The following TLE3 variants were observed in gnomAD, a reference collection of about 807,000 sequenced individuals.
TLE3 encodes TLE family member 3, transcriptional corepressor, also known as transducin-like enhancer protein 3.
Under a neutral mutation model 93.0 loss-of-function variants are expected in TLE3, and 14 were observed. That is an observed-to-expected ratio of 0.15 (90% CI 0.10 to 0.24). The LOEUF is 0.24. TLE3 is among the 10% of genes least tolerant of loss of function. TLE3 has a pLI of 1.00. For missense variants in TLE3, 693 were observed against 1,046.6 expected, an observed-to-expected ratio of 0.66 and a Z score of 4.66; for synonymous variants, 451 against 425.0, an observed-to-expected ratio of 1.06 and a Z score of -0.75.
intron 2 of TLE3, 132 bp from the exon 3 acceptor site, chr15:70,095,773 G>A: frequency 1.8e-6 from 2 of 1,089,986 alleles, no homozygotes; most frequent in Non-Finnish European, 2.6e-6. Context: ...TTATCCCACA[G>A]CCTGGGGACG....
In TLE3 at chr15:70,058,484, G is replaced by A; in HGVS notation, c.918+179C>T. 7.8e-7 allele frequency: 1 copy of A among 1,282,606 alleles called. No homozygotes were observed. Among genetic ancestry groups the A allele is most frequent in the Non-Finnish European group, 1.1e-6 (1 of 945,292 alleles). The allele number at this position is 1,282,606 out of a possible 1,614,324, so 79.5% of individuals were successfully genotyped here. ...TGATCACTCCCATTTTACAGACGTA[G>A]CAACCGAGGCTCAGAAACGTTAACT... On this transcript the variant is annotated intron_variant, in intron 11 of 19. Coordinates refer to ENST00000451782, the MANE Select transcript of TLE3 (RefSeq NM_001105192.3). This position sits in a 1 kb window ranked among gnomAD's most constrained non-coding sequence, Gnocchi z 4.1.
chr15:70,057,497 C>A lies in TLE3; in HGVS notation c.1213G>T (p.Ala405Ser). Residue 405 changes from alanine (A) to serine (S), a missense_variant, in exon 13 of 20, where the codon GCT becomes TCT. Physicochemically the swap from Ala to Ser is moderately conservative, Grantham distance 99. This residue lies in a region of TLE3 where 405 missense variants were observed against 468.9 expected (regional missense o/e 0.86). Coordinates refer to ENST00000451782, the MANE Select transcript of TLE3 (RefSeq NM_001105192.3). ...QMSAAAAAAA[A>S]AYGRSPMVSF... ...ACCATTGGCGATCGGCCATAGGCAG[C>A]GGCTGCAGCAGCGGCGGCGGCGCTC... The A allele has an allele frequency of 1.2e-6, 2 of 1,608,496 alleles. No homozygotes were observed. Among genetic ancestry groups the A allele is most frequent in the Non-Finnish European group, 1.7e-6 (2 of 1,177,720 alleles).
chr15:70,052,261 T>G, intron 18 of TLE3, 113 bp downstream of exon 18: 4 of 1,388,750 alleles, frequency 2.9e-6, no homozygotes, highest in Non-Finnish European at 3.9e-6. Context: ...GGAGGCCTGG[T>G]TCCAGGGCCT....
At chr15:70,075,745 G>A (rs938289482) in intron 5 of TLE3, among the ~76,000 whole-genome samples, 6 of 152,242 alleles carry the variant, frequency 3.9e-5, no homozygotes, top group Non-Finnish European at 8.8e-5. Flanking sequence ...AGGGCACTCT[G>A]TACCAGGAAC....
At position 70,097,699 on chromosome 15, in the gene TLE3, G is replaced by A. The variant is rs2058626061; in HGVS notation, c.-901C>T. On this transcript the variant is annotated 5_prime_UTR_variant, in exon 1 of 20. Coordinates refer to ENST00000451782, the MANE Select transcript of TLE3 (RefSeq NM_001105192.3). ...GAGGGGAGACGCAGCCCGAGACCGG[G>A]GAGCTCTACGGCTTCCTTCCTTCCC... The A allele has an allele frequency of 5.0e-6, 2 of 397,262 alleles. No individual in the cohort carries two copies. The allele number at this position is 397,262 out of a possible 1,614,324, so 24.6% of individuals were successfully genotyped here. A position where few individuals can be genotyped will look rare whatever the true frequency, so the allele number is the denominator to read the frequency against.
At chr15:70,057,418 C>A (rs1286033937) in intron 13 of TLE3, 41 bp downstream of exon 13, 1 of 1,545,308 alleles carries the variant, frequency 6.5e-7, no homozygotes, top group Admixed American at 2.0e-5. Context: ...CTCCCCACAC[C>A]ACGCCCAGTC....
At chr15:70,060,424 A>T (rs2056394269) in intron 9 of TLE3, 106 bp downstream of exon 9, 2 of 1,469,710 alleles carry the variant, frequency 1.4e-6, no homozygotes, top group Non-Finnish European at 1.8e-6. Flanking sequence ...TGCTTCTCTG[A>T]CTCACTGCCA....
chr15:70,073,615 G>C (rs922838169), intron 6 of TLE3, among the ~76,000 whole-genome samples: 1 of 152,366 alleles, frequency 6.6e-6, no homozygotes, highest in South Asian at 2.1e-4. Context: ...AAGTGCCCCT[G>C]TATCTGTACC....
Position 70,054,518 on chromosome 15 carries a change from G to A in TLE3, c.1746C>T (p.Ser582=), listed in dbSNP as rs777828125. The A allele has an allele frequency of 6.2e-7, 1 of 1,614,084 alleles. No individual in the cohort carries two copies. The highest frequency in any genetic ancestry group is 8.5e-7 in the Non-Finnish European group (1 of 1,179,916). Reference sequence around the variant, plus strand: ...AGGAGAAGCAGACTTTGGCGTCAGGGCTAATGGCCAGGGCATAACAGGCGG... The same window carrying A: ...AGGAGAAGCAGACTTTGGCGTCAGGACTAATGGCCAGGGCATAACAGGCGG... ...SAPACYALAI[S]PDAKVCFSCC... Residue 582 remains serine, a synonymous_variant, in exon 16 of 20, where the codon AGC becomes AGT. Transcript: ENST00000451782.
chr15:70,080,930 G>A (rs551031945), intron 4 of TLE3, among the ~76,000 whole-genome samples: 77 of 152,250 alleles, frequency 5.1e-4, no homozygotes, highest in African/African-American at 1.8e-3. Context: ...CCAACACACC[G>A]TCGAGAGCTA....
chr15:70,050,844 G>A (rs2055460874), intron 19 of TLE3: 1 of 157,034 alleles, frequency 6.4e-6, no homozygotes, highest in Non-Finnish European at 1.4e-5. Context: ...TCGTGTATGG[G>A]AAAGAGTGCA....
Position 70,096,766 on chromosome 15 carries a change from A to G in TLE3, c.24+9T>C, listed in dbSNP as rs757269036. On this transcript the variant is annotated intron_variant, in intron 1 of 19. Transcript: ENST00000451782. ...AGATGCTTAAATAAACCGAGTTGCA[A>G]TTACTCACCGGATGTCTGCCCTGCG... The G allele has an allele frequency of 5.6e-6, 9 of 1,613,164 alleles. No individual in the cohort carries two copies. The Admixed American group carries it at 1.3e-4, about 24-fold the overall frequency.
intron 6 of TLE3, chr15:70,066,492 G>A: frequency 5.1e-6 from 2 of 391,144 alleles, no homozygotes; most frequent in Non-Finnish European, 4.5e-6. Flanking sequence ...ATTTCTCAAT[G>A]TTTGTTTCCA....
intron 6 of TLE3, 70 bp from the exon 7 acceptor site, chr15:70,066,288 G>A: frequency 1.5e-6 from 2 of 1,339,418 alleles, no homozygotes; most frequent in East Asian, 2.7e-5. Context: ...CCTCAGGAGG[G>A]AGGGAGGGAG....
At chr15:70,095,289 C>G in intron 3 of TLE3, 5 of 1,327,962 alleles carry the variant, frequency 3.8e-6, no homozygotes, top group Non-Finnish European at 4.8e-6. Flanking sequence ...GCAATCAGCC[C>G]CTGGGAAACT....
At chr15:70,072,758 T>C (rs185382717) in intron 6 of TLE3, among the ~76,000 whole-genome samples, 117 of 152,338 alleles carry the variant, frequency 7.7e-4, no homozygotes, top group African/African-American at 2.7e-3. Flanking sequence ...GTTATTGACA[T>C]CTAGTGGCTA....
chr15:70,069,518 GA>G (rs1404726634), intron 6 of TLE3, among the ~76,000 whole-genome samples: 1 of 152,208 alleles, frequency 6.6e-6, no homozygotes, highest in Non-Finnish European at 1.5e-5. Context: ...AAGAGAAAAG[GA>G]ATCTCCCATG....
At position 70,049,021 on chromosome 15, in the gene TLE3, C is replaced by A. The variant is rs2055295510; in HGVS notation, c.*1076G>T. 1 of 150,730 alleles carries A rather than the reference C, an allele frequency of 6.6e-6. No individual in the cohort carries two copies. The highest frequency in any genetic ancestry group is 2.4e-5 in the African/African-American group (1 of 41,012). 9.3% of individuals were successfully genotyped at this position (150,730 alleles called of 1,614,324 possible). A position where few individuals can be genotyped will look rare whatever the true frequency, so the allele number is the denominator to read the frequency against. ...TCAAATTAAAAAAAAAAAAAAAGCA[C>A]CCACATCAGTTGCTATTTTTCTCTG... On this transcript the variant is annotated 3_prime_UTR_variant, in exon 20 of 20. Transcript: ENST00000451782.
chr15:70,060,355 T>C (rs1310355258), intron 9 of TLE3, among the ~76,000 whole-genome samples, 175 bp downstream of exon 9: 1 of 152,142 alleles, frequency 6.6e-6, no homozygotes, highest in Non-Finnish European at 1.5e-5. Flanking sequence ...GTGTGTGAAC[T>C]TCACCCTAGC....
Sources: allele counts gnomAD v4.1 joint callset (sites outside exome capture counted in the v4.1 genomes callset), GRCh38; gene constraint gnomAD v4.1.1; regional missense constraint gnomAD v4.1.1; non-coding constraint Gnocchi (gnomAD v3.1); transcripts MANE v1.5; gene names NCBI Gene and HGNC (gene_info 2026-07-23, HGNC 2026-07-21).